Variants in FGF14 observed in about 807,000 individuals in gnomAD.
FGF14 encodes the protein fibroblast growth factor homologous factor 4.
Under a neutral mutation model 25.5 loss-of-function variants are expected in FGF14, and 5 were observed. That is an observed-to-expected ratio of 0.20 (90% confidence interval 0.10 to 0.41). FGF14 has a LOEUF of 0.41. Among genes scored for constraint, FGF14 ranks in the 10% least tolerant of loss-of-function variants. The pLI, the probability that FGF14 is intolerant of heterozygous loss-of-function variation, is 1.00. For synonymous variants in FGF14, 138 were observed against 118.3 expected, an observed-to-expected ratio of 1.17 and a Z score of -1.08; for missense variants, 222 against 320.1, an observed-to-expected ratio of 0.69 and a Z score of 2.34.
intron 1 of FGF14, among the ~76,000 whole-genome samples, chr13:102,059,134 C>T (rs1341319958): frequency 6.6e-6 from 1 of 151,926 alleles, no homozygotes; most frequent in Non-Finnish European, 1.5e-5. Context: ...GTGCTCTAGA[C>T]CTAGAGCAGA....
chr13:102,127,754 T>A (rs1373409751), intron 1 of FGF14, among the ~76,000 whole-genome samples: 1 of 152,208 alleles, frequency 6.6e-6, no homozygotes, highest in Non-Finnish European at 1.5e-5. Flanking sequence ...GCAATGCCAA[T>A]GACTTGAATG....
chr13:101,999,239 C>G (rs1203331799), intron 1 of FGF14, among the ~76,000 whole-genome samples: 1 of 152,110 alleles, frequency 6.6e-6, no homozygotes, highest in Non-Finnish European at 1.5e-5. Context: ...TGATAAGAAA[C>G]ACTGAAAGAA....
chr13:102,398,353 C>T (rs1489090462), intron 1 of FGF14, among the ~76,000 whole-genome samples: 3 of 152,106 alleles, frequency 2.0e-5, no homozygotes, highest in Non-Finnish European at 4.4e-5. Context: ...TATAGCGGTG[C>T]TCTGAAATTC....
At chr13:102,110,952 G>A (rs2045194600) in intron 1 of FGF14, among the ~76,000 whole-genome samples, 1 of 152,112 alleles carries the variant, frequency 6.6e-6, no homozygotes, top group Non-Finnish European at 1.5e-5. Context: ...TAAGAAAATG[G>A]TTAGAATCTT....
At chr13:102,355,677 C>T (rs929543346) in intron 1 of FGF14, among the ~76,000 whole-genome samples, 4 of 151,448 alleles carry the variant, frequency 2.6e-5, no homozygotes, top group African/African-American at 9.7e-5. Flanking sequence ...TAACTCTACT[C>T]AAATTGTTAA....
At chr13:101,919,347 A>G (rs1382383468), upstream of FGF14, among the ~76,000 whole-genome samples, 3 of 151,834 alleles carry the variant, frequency 2.0e-5, no homozygotes, top group Non-Finnish European at 2.9e-5. Context: ...AATGTTAAGT[A>G]TAGTGACCTC....
intron 1 of FGF14, among the ~76,000 whole-genome samples, chr13:101,978,295 A>G (rs1315070318): frequency 6.6e-6 from 1 of 152,192 alleles, no homozygotes; most frequent in Non-Finnish European, 1.5e-5. Flanking sequence ...CAGAATGGTG[A>G]TATTTGATGT....
intron 3 of FGF14, among the ~76,000 whole-genome samples, chr13:101,839,619 A>G (rs1022329232): frequency 2.6e-5 from 4 of 152,150 alleles, no homozygotes; most frequent in African/African-American, 9.6e-5. Flanking sequence ...CATTATAACC[A>G]CATCATGGAA....
intron 3 of FGF14, among the ~76,000 whole-genome samples, chr13:101,746,407 T>C (rs1185797064): frequency 6.6e-6 from 1 of 151,994 alleles, no homozygotes; most frequent in Non-Finnish European, 1.5e-5. Flanking sequence ...TTCTCAGTCA[T>C]CTTATATACT....
chr13:102,092,768 C>G (rs1263570633), intron 1 of FGF14, among the ~76,000 whole-genome samples: 1 of 152,036 alleles, frequency 6.6e-6, no homozygotes, highest in Non-Finnish European at 1.5e-5. Flanking sequence ...ACAGGGTGAA[C>G]ACAATTATCA....
chr13:102,201,283 G>C (rs536765646), intron 1 of FGF14, among the ~76,000 whole-genome samples: 2 of 151,852 alleles, frequency 1.3e-5, no homozygotes, highest in African/African-American at 2.4e-5. Flanking sequence ...TCTCCAACAT[G>C]ACAAGTAAAG....
At chr13:101,986,426 T>C (rs771951742) in intron 1 of FGF14, among the ~76,000 whole-genome samples, 38 of 152,208 alleles carry the variant, frequency 2.5e-4, no homozygotes, top group Non-Finnish European at 4.0e-4. Context: ...GTTGTGAATA[T>C]CTCTCCATTA....
chr13:102,158,982 T>C (rs2047493535), intron 1 of FGF14, among the ~76,000 whole-genome samples: 2 of 151,444 alleles, frequency 1.3e-5, no homozygotes, highest in South Asian at 2.1e-4. Context: ...CTACTAAAAA[T>C]ACAAAAATTA....
chr13:101,745,504 A>G (rs2036830555), intron 3 of FGF14, among the ~76,000 whole-genome samples: 1 of 152,100 alleles, frequency 6.6e-6, no homozygotes, highest in South Asian at 2.1e-4. Context: ...TGTCCCACAC[A>G]TTCATCAATT....
chr13:102,022,153 A>C (rs2040690983), intron 1 of FGF14, among the ~76,000 whole-genome samples: 1 of 152,006 alleles, frequency 6.6e-6, no homozygotes, highest in South Asian at 2.1e-4. Context: ...TGGCCTTACT[A>C]AACAGTCAAA....
At chr13:101,928,127 G>C (rs1487499601) in intron 1 of FGF14, among the ~76,000 whole-genome samples, 1 of 152,210 alleles carries the variant, frequency 6.6e-6, no homozygotes, top group African/African-American at 2.4e-5. Flanking sequence ...CCACGAGCTG[G>C]ACACTCTGCA....
chr13:102,058,848 C>T (rs534990928), intron 1 of FGF14, among the ~76,000 whole-genome samples: 1 of 151,854 alleles, frequency 6.6e-6, no homozygotes, highest in South Asian at 2.1e-4. Flanking sequence ...CATGTTGTTT[C>T]TAGTTGCCAT....
At position 102,013,242 on chromosome 13, in the gene FGF14, G is replaced by T. The variant is rs191107119; in HGVS notation, c.209-137946C>A. 4.9e-3 allele frequency among the ~76,000 whole-genome samples: 748 copies of T among 152,084 alleles called. 6 individuals carry two copies. The highest frequency in any genetic ancestry group is 0.017 in the African/African-American group (692 of 41,502). ...GAAGAGCAAAGAAAAAGAAGGAAAT[G>T]ATGTAAAAATTAAATGCACTCAGCC... is the stretch of plus-strand genomic sequence containing the variant. On this transcript the variant is annotated intron_variant, in intron 1 of 4. Transcript: ENST00000376131.
rs779246231 is a variant in FGF14, at chr13:102,401,712, G to GT, written c.-35dup. Reference sequence around the variant, plus strand: ...CGATAATATTCCGGATCTTCTCCCAGTTTTTTCCCCTCACGTGGTATATTT... The same window carrying GT: ...CGATAATATTCCGGATCTTCTCCCAGTTTTTTTCCCCTCACGTGGTATATTT... On this transcript the variant is annotated 5_prime_UTR_variant, in exon 1 of 5. Coordinates refer to the FGF14 transcript ENST00000376131. 4 of 1,570,916 alleles carry GT rather than the reference G, an allele frequency of 2.5e-6. No homozygotes were observed. The Admixed American group carries it at 6.7e-5, about 26-fold the overall frequency.
Sources: allele counts gnomAD v4.1 joint callset (sites outside exome capture counted in the v4.1 genomes callset), GRCh38; gene constraint gnomAD v4.1.1; transcripts MANE v1.5; gene names NCBI Gene and HGNC (gene_info 2026-07-23, HGNC 2026-07-21).